The following NR6A1 variants were observed in gnomAD, a reference collection of about 807,000 sequenced individuals.
NR6A1 encodes retinoic acid receptor-related testis-associated receptor.
A neutral mutation model predicts 59.1 loss-of-function variants in NR6A1; 7 were observed. The observed-to-expected ratio is 0.12, with a 90% CI of 0.07 to 0.22. The LOEUF (loss-of-function observed/expected upper bound fraction) is 0.22, where lower values mean the gene tolerates loss of function less well. Ranked by LOEUF, NR6A1 falls within the 10% of genes least tolerant of loss-of-function variation. The probability of loss-of-function intolerance (pLI) is 1.00; values close to 1 mark genes in which losing one functional copy is unlikely to be tolerated. For synonymous variants in NR6A1, 243 were observed against 236.1 expected (o/e 1.03, Z -0.27); for missense variants, 468 against 611.6 (o/e 0.77, Z 2.48).
intron 2 of NR6A1, among the ~76,000 whole-genome samples, chr9:124,591,702 G>C (rs761071663): frequency 6.6e-6 from 1 of 152,104 alleles, no homozygotes; most frequent in African/African-American, 2.4e-5. Context: ...TGAGCATCAA[G>C]ACCCTGTTAG....
intron 2 of NR6A1, among the ~76,000 whole-genome samples, chr9:124,727,521 T>C (rs1394648142): frequency 1.3e-5 from 2 of 152,352 alleles, no homozygotes; most frequent in African/African-American, 2.4e-5. Context: ...GTTAACATTG[T>C]ATTTGGACAA....
chr9:124,718,803 CTTTTTT>C (rs11316308), intron 2 of NR6A1, among the ~76,000 whole-genome samples: 8 of 64,538 alleles, frequency 1.2e-4, no homozygotes, highest in Admixed American at 2.5e-4. Context: ...AAATTGTTAC[CTTTTTT>C]TTTTTTTTTT....
chr9:124,743,567 T>C (rs906024771), intron 1 of NR6A1, among the ~76,000 whole-genome samples: 7 of 152,224 alleles, frequency 4.6e-5, no homozygotes, highest in Non-Finnish European at 7.3e-5. Flanking sequence ...TTCCATCTGA[T>C]CAACCTACAT....
chr9:124,526,999 C>A, intron 7 of NR6A1, 99 bp from the exon 8 acceptor site: 1 of 1,459,948 alleles, frequency 6.8e-7, no homozygotes, highest in Non-Finnish European at 9.4e-7. Context: ...ACAGGCTGAG[C>A]TTGGGGGAAA....
At chr9:124,645,916 C>T (rs1343246312) in intron 2 of NR6A1, among the ~76,000 whole-genome samples, 1 of 152,122 alleles carries the variant, frequency 6.6e-6, no homozygotes, top group East Asian at 1.9e-4. Flanking sequence ...AGAAATCGTA[C>T]AATGTTTGCT....
chr9:124,545,212 GA>G (rs1168714570), intron 3 of NR6A1, among the ~76,000 whole-genome samples: 1 of 152,142 alleles, frequency 6.6e-6, no homozygotes, highest in Non-Finnish European at 1.5e-5. Context: ...TCAGTTTACT[GA>G]AATGAAAAGA....
chr9:124,626,785 T>C (rs577308491), intron 2 of NR6A1, among the ~76,000 whole-genome samples: 1 of 151,928 alleles, frequency 6.6e-6, no homozygotes, highest in Non-Finnish European at 1.5e-5. Flanking sequence ...AATACAAAAA[T>C]TAGCCGGGCG....
chr9:124,670,283 T>C (rs1303716808), intron 2 of NR6A1, among the ~76,000 whole-genome samples: 1 of 151,764 alleles, frequency 6.6e-6, no homozygotes, highest in African/African-American at 2.4e-5. Flanking sequence ...TCCCAGCTAC[T>C]TGAGAGGCTG....
At chr9:124,680,090 A>ATG (rs57251719) in intron 2 of NR6A1, among the ~76,000 whole-genome samples, 5,457 of 143,162 alleles carry the variant, frequency 0.038, 128 homozygotes, top group South Asian at 0.12. Flanking sequence ...GTGTGTATGT[A>ATG]TGTGTGTGTG....
At chr9:124,682,287 C>A (rs1402741772) in intron 2 of NR6A1, among the ~76,000 whole-genome samples, 3 of 152,156 alleles carry the variant, frequency 2.0e-5, no homozygotes, top group Admixed American at 2.0e-4. Context: ...CAGGCATCAG[C>A]CATCGCGCCT....
At chr9:124,663,543 T>A (rs888929671) in intron 2 of NR6A1, among the ~76,000 whole-genome samples, 1 of 152,042 alleles carries the variant, frequency 6.6e-6, no homozygotes, top group African/African-American at 2.4e-5. Flanking sequence ...GTTTTCAGAG[T>A]CAAGGATATG....
rs143595569 is a variant in NR6A1, at chr9:124,589,734, G to C, written c.143-35164C>G. ...TAATATACCATAAATAAATATATCTGATACTTAATAAGTTATCCATAACTT... is the reference window on the plus strand; with the variant it reads ...TAATATACCATAAATAAATATATCTCATACTTAATAAGTTATCCATAACTT... On this transcript the variant is annotated intron_variant, in intron 2 of 9. Transcript: ENST00000487099. Among the ~76,000 whole-genome samples the C allele has an allele frequency of 3.8e-3, 572 of 152,136 alleles. 1 individual carries two copies. Among genetic ancestry groups the C allele is most frequent in the African/African-American group, 0.013 (551 of 41,494 alleles).
rs1363963759 is a variant in NR6A1, at chr9:124,641,372, A to AG, written c.143-86803_143-86802insC. On this transcript the variant is annotated intron_variant, in intron 2 of 9. Coordinates refer to ENST00000487099, the MANE Select transcript of NR6A1 (RefSeq NM_033334.4). ...GAAAATCTGTCTCAAAAAAAAAAAA[A>AG]AAGAAAAGAAGGAAAAGAAAGTATG... 1.2e-3 allele frequency among the ~76,000 whole-genome samples: 183 copies of AG among 151,750 alleles called. 1 individual carries two copies. Among genetic ancestry groups the AG allele is most frequent in the African/African-American group, 4.3e-3 (178 of 41,304 alleles).
chr9:124,725,697 G>A (rs1201581232), intron 2 of NR6A1, among the ~76,000 whole-genome samples: 1 of 152,170 alleles, frequency 6.6e-6, no homozygotes, highest in Non-Finnish European at 1.5e-5. Context: ...CAGCACTTTG[G>A]GAGACCAAGG....
At chr9:124,749,498 T>C (rs575003424) in intron 1 of NR6A1, among the ~76,000 whole-genome samples, 35 of 152,222 alleles carry the variant, frequency 2.3e-4, no homozygotes, top group South Asian at 2.3e-3. Context: ...CATGTGAAAA[T>C]TGACCTTTGG....
At chr9:124,710,649 T>C (rs142938091) in intron 2 of NR6A1, among the ~76,000 whole-genome samples, 1 of 152,344 alleles carries the variant, frequency 6.6e-6, no homozygotes, top group African/African-American at 2.4e-5. Flanking sequence ...TTTCTGCCTG[T>C]GATTAAAAGC....
At chr9:124,709,402 T>C (rs1839213366) in intron 2 of NR6A1, among the ~76,000 whole-genome samples, 1 of 152,092 alleles carries the variant, frequency 6.6e-6, no homozygotes, top group Non-Finnish European at 1.5e-5. Flanking sequence ...CTTTAGTTAG[T>C]CTGTGTCAAG....
intron 2 of NR6A1, among the ~76,000 whole-genome samples, chr9:124,598,104 C>T (rs773912688): frequency 2.2e-4 from 34 of 152,188 alleles, no homozygotes; most frequent in Non-Finnish European, 1.2e-4. Context: ...CTGCCTTAAC[C>T]TCTCAAAGTG....
At chr9:124,563,967 A>G (rs1588669572) in intron 2 of NR6A1, among the ~76,000 whole-genome samples, 1 of 152,104 alleles carries the variant, frequency 6.6e-6, no homozygotes, top group East Asian at 1.9e-4. Flanking sequence ...GGTCCTAGCT[A>G]CCTGGGATAC....
Sources: allele counts gnomAD v4.1 joint callset (sites outside exome capture counted in the v4.1 genomes callset), GRCh38; gene constraint gnomAD v4.1.1; transcripts MANE v1.5; gene names NCBI Gene and HGNC (gene_info 2026-07-23, HGNC 2026-07-21).